The following ARHGEF18 variants were observed in gnomAD, a reference collection of about 807,000 sequenced individuals.
ARHGEF18 encodes Rho/Rac guanine nucleotide exchange factor 18, also known as rho guanine nucleotide exchange factor 18.
Under a neutral mutation model 155.7 loss-of-function variants are expected in ARHGEF18, and 93 were observed. That is an observed-to-expected ratio of 0.60 (90% CI 0.50 to 0.71). The LOEUF is 0.71. Ranked by LOEUF, ARHGEF18 falls within the 30% of genes least tolerant of loss-of-function variation. The pLI is 0.00. For missense variants in ARHGEF18, 1,593 were observed against 1,816.1 expected (o/e 0.88, Z 2.23); for synonymous variants, 742 against 753.1 (o/e 0.99, Z 0.24).
intron 10 of ARHGEF18, among the ~76,000 whole-genome samples, chr19:7,420,262 G>T (rs1161220630): frequency 6.6e-6 from 1 of 152,092 alleles, no homozygotes; most frequent in Non-Finnish European, 1.5e-5. Flanking sequence ...ACGGCCAGCT[G>T]AGCAATTATT....
In ARHGEF18 at chr19:7,440,458, C is replaced by T. The variant is rs1196310820; in HGVS notation, c.1082C>T (p.Pro361Leu). The T allele has an allele frequency of 1.3e-6, 2 of 1,599,702 alleles. No homozygotes were observed. The highest frequency in any genetic ancestry group is 1.7e-6 in the Non-Finnish European group (2 of 1,179,576). Residue 361 changes from proline to leucine, a missense_variant, in exon 11 of 29, where the codon CCG (proline) becomes CTG (leucine). Pro to Leu is a moderately conservative substitution (Grantham distance 98). Coordinates refer to ENST00000668164, the MANE Select transcript of ARHGEF18 (RefSeq NM_001367823.1). The surrounding 1 kb of genome is among the most constrained non-coding windows in gnomAD (Gnocchi z 5.4). The part of the protein sequence containing the change: ...QKGGPQPTPS[P>L]AGPGTQLGPI... ...GGGGGTCCCCAGCCAACACCGAGCCCGGCTGGCCCTGGGACGCAACTCGGG... is the reference window on the plus strand; with the variant it reads ...GGGGGTCCCCAGCCAACACCGAGCCTGGCTGGCCCTGGGACGCAACTCGGG...
chr19:7,400,203 T>A (rs908472270), intron 10 of ARHGEF18, among the ~76,000 whole-genome samples: 5 of 152,206 alleles, frequency 3.3e-5, no homozygotes, highest in Non-Finnish European at 5.9e-5. Flanking sequence ...ATACAGCAGC[T>A]TTATTGAAAT....
At chr19:7,474,184 C>T (rs1977160281), downstream of ARHGEF18, among the ~76,000 whole-genome samples, 2 of 151,786 alleles carry the variant, frequency 1.3e-5, no homozygotes, top group African/African-American at 2.4e-5. Context: ...ACTAAAAACA[C>T]AAAAATCAGC....
intron 10 of ARHGEF18, among the ~76,000 whole-genome samples, chr19:7,431,510 C>CAAAAAAAAAAAAAAAAAAAA (rs34609858): frequency 9.7e-5 from 5 of 51,294 alleles, no homozygotes; most frequent in Admixed American, 2.8e-4. Flanking sequence ...GACTCCATCT[C>CAAAAAAAAAAAAAAAAAAAA]AAAAAAAAAA....
At chr19:7,367,746 CAAA>C (rs776839774) in intron 2 of ARHGEF18, among the ~76,000 whole-genome samples, 1 of 36,350 alleles carries the variant, frequency 2.8e-5, no homozygotes, top group Non-Finnish European at 4.7e-5. Context: ...AACTCCATCT[CAAA>C]AAAAAAAAAA....
At chr19:7,467,150 G>T (rs371816402) in intron 25 of ARHGEF18, 32 bp downstream of exon 25, 26 of 1,582,260 alleles carry the variant, frequency 1.6e-5, no homozygotes, top group Non-Finnish European at 2.2e-5. Context: ...GGCCACGCGT[G>T]CCCTTTCCTG....
At chr19:7,447,412 C>T (rs1461566662) in intron 15 of ARHGEF18, among the ~76,000 whole-genome samples, 3 of 151,616 alleles carry the variant, frequency 2.0e-5, no homozygotes, top group Admixed American at 6.6e-5. Context: ...TTGCTTGAAC[C>T]CAGGAAGCAA....
intron 3 of ARHGEF18, among the ~76,000 whole-genome samples, chr19:7,375,366 GAAGGAAGGAAGA>G (rs1414950039): frequency 7.2e-6 from 1 of 139,580 alleles, no homozygotes; most frequent in Non-Finnish European, 1.6e-5. Context: ...AGGAAGGAAG[GAAGGAAGGAAGA>G]AAGAAAAGGA....
At chr19:7,433,238 G>A (rs1014795559) in intron 10 of ARHGEF18, among the ~76,000 whole-genome samples, 6 of 151,680 alleles carry the variant, frequency 4.0e-5, no homozygotes, top group Admixed American at 2.6e-4. Flanking sequence ...AGGCCAAGGC[G>A]GGTGGATCAC....
At chr19:7,367,601 C>T (rs1489578717) in intron 2 of ARHGEF18, among the ~76,000 whole-genome samples, 1 of 150,916 alleles carries the variant, frequency 6.6e-6, no homozygotes, top group Non-Finnish European at 1.5e-5. Flanking sequence ...AAAAAATTAG[C>T]CAGGTGTGGT....
intron 7 of ARHGEF18, among the ~76,000 whole-genome samples, chr19:7,380,339 C>T (rs1393581983): frequency 6.6e-6 from 1 of 151,868 alleles, no homozygotes; most frequent in Non-Finnish European, 1.5e-5. Flanking sequence ...ATTAGCTGGG[C>T]ATGGTGGCAG....
At position 7,471,549 on chromosome 19, in the gene ARHGEF18, A is replaced by T. The variant is rs569108871; in HGVS notation, c.*1251A>T. On this transcript the variant is annotated 3_prime_UTR_variant, in exon 29 of 29. Coordinates refer to ENST00000668164, the MANE Select transcript of ARHGEF18 (RefSeq NM_001367823.1). This position sits in a 1 kb window ranked among gnomAD's most constrained non-coding sequence, Gnocchi z 4.4. ...GTACATGTGAGCCCCTGCCAGGGCC[A>T]AGTCCTTCTCCCGAACCCAGGGTCC... is the stretch of plus-strand genomic sequence containing the variant. 2 of 152,382 alleles carry T rather than the reference A, an allele frequency of 1.3e-5. No homozygotes were observed. The highest frequency in any genetic ancestry group is 1.3e-4 in the Admixed American group (2 of 15,304). 9.4% of individuals were successfully genotyped at this position (152,382 alleles called of 1,614,324 possible).
At chr19:7,473,853 T>A (rs1599195919), downstream of ARHGEF18, among the ~76,000 whole-genome samples, 1 of 145,174 alleles carries the variant, frequency 6.9e-6, no homozygotes, top group Admixed American at 6.9e-5. Flanking sequence ...TATGGTGGCG[T>A]GCACCTGTAA....
intron 10 of ARHGEF18, among the ~76,000 whole-genome samples, chr19:7,396,921 A>C (rs1321549823): frequency 2.0e-5 from 3 of 152,100 alleles, no homozygotes; most frequent in Non-Finnish European, 2.9e-5. Context: ...CAAACTTTCC[A>C]TCAGTGTTAT....
rs1031815450 is a variant in ARHGEF18 at position 7,372,947 on chromosome 19, G to T, written c.151G>T (p.Asp51Tyr). 5.7e-6 allele frequency: 7 copies of T among 1,234,608 alleles called. No homozygotes were observed. The highest frequency in any genetic ancestry group is 5.1e-6 in the Non-Finnish European group (5 of 988,334). The allele number at this position is 1,234,608 out of a possible 1,614,324, so 76.5% of individuals were successfully genotyped here. Residue 51 changes from aspartate to tyrosine, a missense_variant, in exon 3 of 29, where the codon GAC becomes TAC. Asp to Tyr is a radical substitution (Grantham distance 160). Transcript: ENST00000668164. The part of the protein sequence containing the change: ...PSHSQPGETP[D>Y]SRPTGEEPGR... ...CCACAGCCAGCCTGGGGAGACCCCA[G>T]ACAGCCGCCCCACCGGTGAAGAACC...
rs1971619922 is a variant in ARHGEF18, at chr19:7,395,144, T to G, written c.967+11941T>G. On this transcript the variant is annotated intron_variant, in intron 10 of 28. Transcript: ENST00000668164. The surrounding 1 kb of genome is among the most constrained non-coding windows in gnomAD (Gnocchi z 5.0). ...CGGCTTCCCGCTTCCGGCTCCCAGCTGCTAGCTACTGTGGATCTGGGGGGG... is the reference window on the plus strand; with the variant it reads ...CGGCTTCCCGCTTCCGGCTCCCAGCGGCTAGCTACTGTGGATCTGGGGGGG... 4.1e-6 allele frequency: 4 copies of G among 985,578 alleles called. No individual in the cohort carries two copies. Among genetic ancestry groups the G allele is most frequent in the South Asian group, 4.7e-5 (1 of 21,298 alleles). The allele number at this position is 985,578 out of a possible 1,614,324, so 61.1% of individuals were successfully genotyped here.
chr19:7,443,934 T>C (rs550477336), intron 13 of ARHGEF18, among the ~76,000 whole-genome samples: 10 of 150,444 alleles, frequency 6.6e-5, no homozygotes, highest in Non-Finnish European at 1.2e-4. Flanking sequence ...GGACTTAAAA[T>C]GTCGTCCGTT....
At chr19:7,403,699 G>A (rs1056556053) in intron 10 of ARHGEF18, among the ~76,000 whole-genome samples, 3 of 151,872 alleles carry the variant, frequency 2.0e-5, no homozygotes, top group African/African-American at 7.3e-5. Flanking sequence ...CACCGTGCCC[G>A]GCTAATTTTT....
rs1161988621 is a variant in ARHGEF18 at position 7,467,696 on chromosome 19, G to A, written c.3480+12G>A. Reference sequence around the variant, plus strand: ...ACACACTGGCCGAGGTGAGCGCGCAGCAGCCAGTGTGCGCAGGTTGGGGGT... The same window carrying A: ...ACACACTGGCCGAGGTGAGCGCGCAACAGCCAGTGTGCGCAGGTTGGGGGT... On this transcript the variant is annotated intron_variant, in intron 26 of 28. Transcript: ENST00000668164. 1.0e-5 allele frequency: 15 copies of A among 1,474,198 alleles called. No individual in the cohort carries two copies. Among genetic ancestry groups the A allele is most frequent in the East Asian group, 2.7e-5 (1 of 36,956 alleles). The allele number at this position is 1,474,198 out of a possible 1,614,324, so 91.3% of individuals were successfully genotyped here.
Sources: gnomAD v4.1 joint callset for allele counts (sites outside exome capture counted in the v4.1 genomes callset) on GRCh38, gnomAD v4.1.1 for gene constraint, Gnocchi (gnomAD v3.1) non-coding constraint, MANE v1.5 for transcripts, NCBI Gene and HGNC (gene_info 2026-07-23, HGNC 2026-07-21) for gene names.